The following ACKR2 variants were observed in gnomAD, a reference collection of about 807,000 sequenced individuals.
ACKR2 encodes the protein C-C chemokine receptor D6.
For missense variants in ACKR2, 457 were observed against 477.3 expected, an observed-to-expected ratio of 0.96 and a Z score of 0.40; for synonymous variants, 207 against 192.2, an observed-to-expected ratio of 1.08 and a Z score of -0.64.
chr3:42,834,521 C>T (rs1054884804), intron 2 of ACKR2: 2 of 151,892 alleles, frequency 1.3e-5, no homozygotes, highest in Admixed American at 6.6e-5. Flanking sequence ...ACTATAGACT[C>T]GAGCCACTAT....
intron 2 of ACKR2, among the ~76,000 whole-genome samples, chr3:42,832,272 T>C (rs1021377625): frequency 6.6e-6 from 1 of 152,100 alleles, no homozygotes; most frequent in Non-Finnish European, 1.5e-5. Flanking sequence ...GCAGATCACT[T>C]GAGTCCAGGA....
intron 2 of ACKR2, among the ~76,000 whole-genome samples, chr3:42,863,689 A>G (rs1045529693): frequency 2.6e-5 from 4 of 152,206 alleles, no homozygotes; most frequent in African/African-American, 9.7e-5. Context: ...CATAAAATGG[A>G]TGAGTTCATG....
chr3:42,864,657 T>C lies in ACKR2; in HGVS notation c.155T>C (p.Phe52Ser), dbSNP rs2088415135. ...TTTGGCAAAGTCTTCCTCCCAGTCT[T>C]CTATAGCCTGATTTTTGTGTTGGGC... ...VSFGKVFLPV[F>S]YSLIFVLGLS... Residue 52 changes from phenylalanine (F) to serine (S), a missense_variant, in exon 3 of 3, where the codon TTC becomes TCC. Coordinates refer to ENST00000422265, the MANE Select transcript of ACKR2 (RefSeq NM_001296.5). 1 of 1,614,064 alleles carries C rather than the reference T, an allele frequency of 6.2e-7. No homozygotes were observed.
chr3:42,816,446 A>C (rs1700751062), intron 1 of ACKR2, among the ~76,000 whole-genome samples: 1 of 152,088 alleles, frequency 6.6e-6, no homozygotes, highest in African/African-American at 2.4e-5. Flanking sequence ...GTGTTTATGT[A>C]GTGATAATTT....
intron 1 of ACKR2, among the ~76,000 whole-genome samples, chr3:42,816,418 A>G (rs1425388349): frequency 6.6e-6 from 1 of 152,112 alleles, no homozygotes; most frequent in Non-Finnish European, 1.5e-5. Context: ...TAGCAACCAA[A>G]GTGGCAGCAG....
chr3:42,816,137 G>T (rs183694392), intron 1 of ACKR2, among the ~76,000 whole-genome samples: 1 of 151,852 alleles, frequency 6.6e-6, no homozygotes, highest in Admixed American at 6.6e-5. Context: ...GGGTTTTTTT[G>T]TGTGTTCCTG....
At chr3:42,816,543 A>T (rs1477945878) in intron 1 of ACKR2, among the ~76,000 whole-genome samples, 2 of 152,076 alleles carry the variant, frequency 1.3e-5, no homozygotes, top group East Asian at 3.9e-4. Flanking sequence ...AAAGTCAATG[A>T]ACTGAGGCAC....
intron 1 of ACKR2, among the ~76,000 whole-genome samples, chr3:42,817,615 G>A (rs1575374109): frequency 4.6e-5 from 7 of 152,128 alleles, no homozygotes; most frequent in Admixed American, 4.6e-4. Context: ...ATTTAAAAAA[G>A]ATTCCTTCCT....
At chr3:42,822,651 G>T (rs1054615490) in intron 2 of ACKR2, among the ~76,000 whole-genome samples, 1 of 151,896 alleles carries the variant, frequency 6.6e-6, no homozygotes, top group Non-Finnish European at 1.5e-5. Flanking sequence ...TCAGGAGTTC[G>T]AGACCAGCCT....
rs139641896 is a variant in ACKR2 at position 42,849,447 on chromosome 3, G to A, written c.-37-15019G>A. 2.6e-3 allele frequency among the ~76,000 whole-genome samples: 402 copies of A among 152,084 alleles called. 4 individuals carry two copies. The East Asian group carries it at 0.036, about 14-fold the overall frequency. On this transcript the variant is annotated intron_variant, in intron 2 of 2. Transcript: ENST00000422265. ...TGGGAGGCACAGGTTGCAGTGAGCC[G>A]AGGCCGAGCTCACACCATTGCACTC...
chr3:42,821,368 G>A (rs983135123), intron 2 of ACKR2, among the ~76,000 whole-genome samples: 18 of 152,114 alleles, frequency 1.2e-4, no homozygotes, highest in Non-Finnish European at 1.8e-4. Flanking sequence ...TCTGCAATAC[G>A]CCAACAGCAC....
chr3:42,857,321 A>G (rs2088331529), intron 2 of ACKR2, among the ~76,000 whole-genome samples: 2 of 152,190 alleles, frequency 1.3e-5, no homozygotes, highest in Admixed American at 6.5e-5. Context: ...TCTGCAAGGT[A>G]TCCCATATTT....
Position 42,854,153 on chromosome 3 carries a change from G to A in ACKR2, c.-37-10313G>A, listed in dbSNP as rs546334841. On this transcript the variant is annotated intron_variant, in intron 2 of 2. Coordinates refer to ENST00000422265, the MANE Select transcript of ACKR2 (RefSeq NM_001296.5). ...GTCAAGCAGGGTTTGGTCAAGCTCT[G>A]TGGGGGCCTGATCAGGGGAATGCTG... Among the ~76,000 whole-genome samples, 52 of 152,312 alleles carry A rather than the reference G, an allele frequency of 3.4e-4. 1 individual carries two copies. Among genetic ancestry groups the A allele is most frequent in the African/African-American group, 1.1e-3 (47 of 41,576 alleles).
chr3:42,853,370 G>A (rs1329111644), intron 2 of ACKR2, among the ~76,000 whole-genome samples: 8 of 152,108 alleles, frequency 5.3e-5, no homozygotes, highest in African/African-American at 1.2e-4. Flanking sequence ...TAAGGTTATT[G>A]TGAGAAGTCA....
chr3:42,860,247 A>AG (rs1244169974), intron 2 of ACKR2, among the ~76,000 whole-genome samples: 4 of 151,738 alleles, frequency 2.6e-5, no homozygotes, highest in African/African-American at 9.7e-5. Flanking sequence ...AAAGATCAAA[A>AG]AGACAAAAAA....
At chr3:42,820,621 C>T (rs1700800235) in intron 2 of ACKR2, among the ~76,000 whole-genome samples, 1 of 148,296 alleles carries the variant, frequency 6.7e-6, no homozygotes, top group Non-Finnish European at 1.5e-5. Flanking sequence ...GAAATATAAT[C>T]TGCCCAACCC....
intron 2 of ACKR2, among the ~76,000 whole-genome samples, chr3:42,826,595 T>A (rs1233097641): frequency 6.6e-6 from 1 of 152,136 alleles, no homozygotes; most frequent in Non-Finnish European, 1.5e-5. Flanking sequence ...TCTCTTTTAT[T>A]TCTGATTTTA....
intron 2 of ACKR2, among the ~76,000 whole-genome samples, chr3:42,837,400 TA>T (rs1375318797): frequency 6.6e-6 from 1 of 152,068 alleles, no homozygotes; most frequent in East Asian, 1.9e-4. Context: ...AATATATATA[TA>T]TTTAGAGATG....
At chr3:42,810,485 C>T (rs1270085285) in intron 1 of ACKR2, among the ~76,000 whole-genome samples, 1 of 151,790 alleles carries the variant, frequency 6.6e-6, no homozygotes, top group Non-Finnish European at 1.5e-5. Flanking sequence ...CACAATACCA[C>T]GTTTTATCAA....
Sources: allele counts gnomAD v4.1 joint callset (sites outside exome capture counted in the v4.1 genomes callset), GRCh38; gene constraint gnomAD v4.1.1; transcripts MANE v1.5; gene names NCBI Gene and HGNC (gene_info 2026-07-23, HGNC 2026-07-21).